The following ITGB3BP variants were observed in gnomAD, a reference collection of about 807,000 sequenced individuals.
ITGB3BP encodes the protein integrin subunit beta 3 binding protein.
ITGB3BP carries 27 observed loss-of-function variants against 29.1 expected under a neutral mutation model. That is an observed-to-expected ratio of 0.93 (90% confidence interval 0.68 to 1.28). ITGB3BP has a LOEUF of 1.28. ITGB3BP is among the 50% of genes most tolerant of loss of function. The pLI is 0.00. For missense variants in ITGB3BP, 192 were observed against 200.2 expected, an observed-to-expected ratio of 0.96 and a Z score of 0.25; for synonymous variants, 61 against 61.4, an observed-to-expected ratio of 0.99 and a Z score of 0.03.
intron 7 of ITGB3BP, among the ~76,000 whole-genome samples, chr1:63,451,269 C>T (rs970951725): frequency 4.6e-5 from 7 of 151,794 alleles, no homozygotes; most frequent in Non-Finnish European, 1.0e-4. Context: ...GATAGTGAAA[C>T]AAGTAATTGG....
At chr1:63,471,068 T>C (rs186522323) in intron 4 of ITGB3BP, among the ~76,000 whole-genome samples, 156 of 152,352 alleles carry the variant, frequency 1.0e-3, no homozygotes, top group African/African-American at 3.5e-3. Flanking sequence ...AAATCTGCTC[T>C]TGTGAAGTAC....
chr1:63,451,559 T>C (rs1330715657), intron 7 of ITGB3BP, among the ~76,000 whole-genome samples: 1 of 151,960 alleles, frequency 6.6e-6, no homozygotes, highest in Admixed American at 6.6e-5. Context: ...TAAAAGTTGT[T>C]AGCTTAGTAC....
chr1:63,520,554 C>T (rs577710581), intron 1 of ITGB3BP, among the ~76,000 whole-genome samples: 14 of 152,184 alleles, frequency 9.2e-5, no homozygotes, highest in African/African-American at 3.4e-4. Context: ...TTAGGGAGGA[C>T]TTAAGATAGG....
At chr1:63,485,296 G>T (rs545180742) in intron 3 of ITGB3BP, among the ~76,000 whole-genome samples, 1 of 152,074 alleles carries the variant, frequency 6.6e-6, no homozygotes, top group South Asian at 2.1e-4. Flanking sequence ...ATACAATGAA[G>T]AAGTCAACTG....
chr1:63,482,388 G>T (rs956742438), intron 3 of ITGB3BP, among the ~76,000 whole-genome samples: 1 of 150,352 alleles, frequency 6.7e-6, no homozygotes, highest in Non-Finnish European at 1.5e-5. Context: ...CAATCATTTT[G>T]GTCTCAAACC....
At chr1:63,478,904 T>A in intron 3 of ITGB3BP, 71 bp from the exon 4 acceptor site, 1 of 534,934 alleles carries the variant, frequency 1.9e-6, no homozygotes. Context: ...TAGAATTTAG[T>A]TTGTCAAATT....
At chr1:63,459,238 A>C (rs936248609) in intron 4 of ITGB3BP, among the ~76,000 whole-genome samples, 2 of 152,164 alleles carry the variant, frequency 1.3e-5, no homozygotes, top group Non-Finnish European at 2.9e-5. Flanking sequence ...CACTTCCTCC[A>C]TATTAAAATT....
intron 4 of ITGB3BP, among the ~76,000 whole-genome samples, chr1:63,460,105 A>C (rs990122748): frequency 6.6e-6 from 1 of 152,090 alleles, no homozygotes; most frequent in Non-Finnish European, 1.5e-5. Context: ...CATTCCGTTC[A>C]GCTTAAAATT....
At chr1:63,501,434 T>C (rs1164477499) in intron 2 of ITGB3BP, among the ~76,000 whole-genome samples, 1 of 152,064 alleles carries the variant, frequency 6.6e-6, no homozygotes, top group South Asian at 2.1e-4. Flanking sequence ...AGAAAGTAGA[T>C]TAGTGGTTTC....
chr1:63,493,420 AC>A (rs72177516), intron 2 of ITGB3BP, among the ~76,000 whole-genome samples: 122 of 97,880 alleles, frequency 1.2e-3, no homozygotes, highest in African/African-American at 6.5e-3. Flanking sequence ...GTCTCAAAAA[AC>A]AAACAAACAA....
chr1:63,513,658 T>G (rs1646249771), intron 1 of ITGB3BP, among the ~76,000 whole-genome samples: 1 of 152,142 alleles, frequency 6.6e-6, no homozygotes. Flanking sequence ...TCTACCTCTA[T>G]CTTTAATATG....
chr1:63,453,232 G>A (rs1032216754), intron 7 of ITGB3BP, among the ~76,000 whole-genome samples: 1 of 152,280 alleles, frequency 6.6e-6, no homozygotes, highest in Non-Finnish European at 1.5e-5. Flanking sequence ...CTCAATAAAT[G>A]GCAGTCATCG....
intron 8 of ITGB3BP, among the ~76,000 whole-genome samples, chr1:63,446,375 GATTT>G (rs1394930918): frequency 2.6e-5 from 4 of 152,160 alleles, no homozygotes; most frequent in African/African-American, 9.7e-5. Flanking sequence ...AATAAATATA[GATTT>G]ATTTACTTAA....
intron 3 of ITGB3BP, among the ~76,000 whole-genome samples, chr1:63,479,957 A>G (rs768136826): frequency 2.6e-5 from 4 of 152,164 alleles, no homozygotes; most frequent in Non-Finnish European, 4.4e-5. Context: ...TTGAATATAT[A>G]CTCAGTAGTG....
At chr1:63,475,491 G>T (rs1166760801) in intron 4 of ITGB3BP, among the ~76,000 whole-genome samples, 1 of 152,150 alleles carries the variant, frequency 6.6e-6, no homozygotes, top group Non-Finnish European at 1.5e-5. Context: ...ACAGGTTAAG[G>T]TTATAGTGGG....
intron 4 of ITGB3BP, among the ~76,000 whole-genome samples, chr1:63,477,471 C>A (rs1031988487): frequency 1.3e-5 from 2 of 152,106 alleles, no homozygotes; most frequent in African/African-American, 4.8e-5. Context: ...GTAATCCCAG[C>A]ACTTTGGGAG....
intron 3 of ITGB3BP, among the ~76,000 whole-genome samples, chr1:63,489,470 C>A (rs1427008427): frequency 6.7e-6 from 1 of 149,038 alleles, no homozygotes; most frequent in East Asian, 1.9e-4. Context: ...TAGCAATGAA[C>A]TACCAGAGGA....
chr1:63,443,264 T>G (rs942993054), intron 8 of ITGB3BP: 2 of 152,188 alleles, frequency 1.3e-5, no homozygotes, highest in African/African-American at 4.8e-5. Context: ...CAGGCAGCTA[T>G]GACAAATATA....
At chr1:63,492,189 C>CTGTGTGTGTGTGTGTG (rs10610086) in intron 2 of ITGB3BP, among the ~76,000 whole-genome samples, 4 of 149,078 alleles carry the variant, frequency 2.7e-5, no homozygotes, top group African/African-American at 9.9e-5. Context: ...TGCATGTGCT[C>CTGTGTGTGTGTGTGTG]TGTGTGTGTG....
Sources: allele counts gnomAD v4.1 joint callset (sites outside exome capture counted in the v4.1 genomes callset), GRCh38; gene constraint gnomAD v4.1.1; transcripts MANE v1.5; gene names NCBI Gene and HGNC (gene_info 2026-07-23, HGNC 2026-07-21).